Variants in ZC3H12B observed in about 807,000 individuals in gnomAD.
ZC3H12B encodes zinc finger CCCH-type containing 12B.
ZC3H12B carries 7 observed loss-of-function variants against 43.9 expected under a neutral mutation model. That is an observed-to-expected ratio of 0.16 (90% CI 0.09 to 0.30). ZC3H12B has a LOEUF of 0.30. ZC3H12B is among the 10% of genes least tolerant of loss of function. The probability of loss-of-function intolerance (pLI) is 1.00; values close to 1 mark genes in which losing one functional copy is unlikely to be tolerated. For synonymous variants in ZC3H12B, 222 were observed against 241.7 expected (o/e 0.92, Z 0.76); for missense variants, 475 against 670.2 (o/e 0.71, Z 3.22).
chrX:65,146,577 C>T, the ZC3H12B span, among the ~76,000 whole-genome samples: 1 of 111,630 alleles, frequency 9.0e-6, no homozygotes, highest in Non-Finnish European at 1.9e-5. Context: ...GGTTTCTTCT[C>T]ATTTAGGTAG....
the ZC3H12B span, among the ~76,000 whole-genome samples, chrX:65,168,514 G>A: frequency 5.5e-5 from 6 of 108,294 alleles, no homozygotes; most frequent in Non-Finnish European, 9.6e-5. Context: ...TTTTTGTTGC[G>A]TCTCTGCCAG....
the ZC3H12B span, among the ~76,000 whole-genome samples, chrX:65,042,749 G>T: frequency 9.0e-6 from 1 of 111,493 alleles, no homozygotes; most frequent in Non-Finnish European, 1.9e-5. Context: ...CTAGCTTAAA[G>T]AAAAAAAGAG....
the ZC3H12B span, among the ~76,000 whole-genome samples, chrX:65,199,251 G>C: frequency 9.4e-6 from 1 of 106,686 alleles, no homozygotes; most frequent in Admixed American, 1.0e-4. Context: ...TCTTCTGCTT[G>C]ATCAGTTCTG....
the ZC3H12B span, among the ~76,000 whole-genome samples, chrX:65,164,453 G>T: frequency 9.0e-6 from 1 of 111,404 alleles, no homozygotes; most frequent in Non-Finnish European, 1.9e-5. Context: ...TAACTCTTGT[G>T]ACCTCTGGCT....
intron 3 of ZC3H12B, among the ~76,000 whole-genome samples, chrX:65,434,786 T>C (rs1435013294): frequency 4.5e-5 from 5 of 111,320 alleles, no homozygotes; most frequent in African/African-American, 1.6e-4. Context: ...AGAATCATTG[T>C]CTGGCTTGAT....
At chrX:65,158,925 A>C in the ZC3H12B span, among the ~76,000 whole-genome samples, 6 of 111,917 alleles carry the variant, frequency 5.4e-5, no homozygotes, top group East Asian at 1.7e-3. Context: ...TTAAGTCTTT[A>C]ATCCATCTTG....
chrX:65,375,710 C>T (rs1183675374), intron 2 of ZC3H12B, among the ~76,000 whole-genome samples: 1 of 111,154 alleles, frequency 9.0e-6, no homozygotes, highest in Non-Finnish European at 1.9e-5. Context: ...GAACCCACCA[C>T]CTTGAAGGAA....
chrX:65,055,225 T>C, the ZC3H12B span, among the ~76,000 whole-genome samples: 810 of 111,676 alleles, frequency 7.3e-3, 1 homozygote, highest in Middle Eastern at 0.028. Context: ...TGTGGGTTTG[T>C]CATAAATAGC....
At chrX:65,437,290 C>A (rs1178362033) in intron 3 of ZC3H12B, among the ~76,000 whole-genome samples, 1 of 111,611 alleles carries the variant, frequency 9.0e-6, no homozygotes. Flanking sequence ...ACCATCCCCA[C>A]TCCCCTGCTC....
chrX:65,123,427 G>A, the ZC3H12B span, among the ~76,000 whole-genome samples: 1 of 111,055 alleles, frequency 9.0e-6, no homozygotes, highest in Non-Finnish European at 1.9e-5. Flanking sequence ...TTGGTATCAG[G>A]ATGATGCTGG....
the ZC3H12B span, among the ~76,000 whole-genome samples, chrX:65,119,106 A>G: frequency 1.7e-4 from 19 of 111,168 alleles, no homozygotes; most frequent in Admixed American, 1.6e-3. Flanking sequence ...GCTGCAGTAA[A>G]CATACGTGTG....
At chrX:65,164,802 C>G in the ZC3H12B span, among the ~76,000 whole-genome samples, 9 of 111,794 alleles carry the variant, frequency 8.1e-5, no homozygotes, top group Non-Finnish European at 1.7e-4. Context: ...GGCAATTTCC[C>G]CTCAAAAGTA....
At chrX:65,225,653 G>C in the ZC3H12B span, among the ~76,000 whole-genome samples, 1 of 111,954 alleles carries the variant, frequency 8.9e-6, no homozygotes, top group South Asian at 3.7e-4. Context: ...TGTATAACTA[G>C]AATAACCAAT....
chrX:65,341,929 G>A, the ZC3H12B span, among the ~76,000 whole-genome samples: 1 of 111,403 alleles, frequency 9.0e-6, no homozygotes, highest in South Asian at 3.7e-4. Context: ...CTACCTGAAT[G>A]TATACAAGCT....
chrX:65,359,365 T>C, the ZC3H12B span, among the ~76,000 whole-genome samples: 1 of 112,012 alleles, frequency 8.9e-6, no homozygotes, highest in East Asian at 2.8e-4. Flanking sequence ...TTGCTAGAGA[T>C]AATGATTCAT....
At chrX:65,433,248 A>G (rs1402252222) in intron 3 of ZC3H12B, among the ~76,000 whole-genome samples, 3 of 112,313 alleles carry the variant, frequency 2.7e-5, no homozygotes, top group Non-Finnish European at 5.6e-5. Context: ...CTGGGCAAAT[A>G]GGCCAGTTGA....
the ZC3H12B span, among the ~76,000 whole-genome samples, chrX:65,169,196 T>G: frequency 8.9e-6 from 1 of 111,880 alleles, no homozygotes; most frequent in Non-Finnish European, 1.9e-5. Flanking sequence ...CTTCTACACA[T>G]TGCTTTAAAT....
chrX:65,492,284 C>G (rs2068217132), intron 1 of ZC3H12B, among the ~76,000 whole-genome samples: 1 of 111,878 alleles, frequency 8.9e-6, no homozygotes, highest in South Asian at 3.7e-4. Flanking sequence ...GATTGCTGAT[C>G]ATGAAGGACA....
the ZC3H12B span, among the ~76,000 whole-genome samples, chrX:65,281,360 G>C: frequency 1.8e-5 from 2 of 109,092 alleles, no homozygotes; most frequent in Non-Finnish European, 3.8e-5. Context: ...TCAGTCTCCT[G>C]AGCAGCTGGG....
Sources: allele counts gnomAD v4.1 joint callset (sites outside exome capture counted in the v4.1 genomes callset), GRCh38; gene constraint gnomAD v4.1.1; transcripts MANE v1.5; gene names NCBI Gene and HGNC (gene_info 2026-07-23, HGNC 2026-07-21).